NLRP5: variants seen among roughly 807,000 people sequenced by gnomAD.
NLRP5 encodes the protein NACHT, LRR and PYD domains-containing protein 5.
NLRP5 carries 93 observed loss-of-function variants against 113.1 expected under a neutral mutation model. The ratio of observed to expected loss-of-function variants is 0.82; its 90% CI spans 0.70 to 0.98. NLRP5 has a LOEUF of 0.98. NLRP5 is among the 50% of genes least tolerant of loss of function. The pLI, the probability that NLRP5 is intolerant of heterozygous loss-of-function variation, is 0.00. For synonymous variants in NLRP5, 751 were observed against 600.7 expected (o/e 1.25, Z -3.66); for missense variants, 1,808 against 1,514.3 (o/e 1.19, Z -3.22).
intron 6 of NLRP5, among the ~76,000 whole-genome samples, chr19:56,025,174 A>T (rs1568489973): frequency 6.6e-6 from 1 of 152,188 alleles, no homozygotes; most frequent in African/African-American, 2.4e-5. Context: ...TTGTATGATT[A>T]TTTCATTATA....
upstream of NLRP5, among the ~76,000 whole-genome samples, chr19:55,997,404 C>A (rs1423513112): frequency 2.0e-5 from 3 of 152,112 alleles, no homozygotes; most frequent in Admixed American, 2.0e-4. Flanking sequence ...GAGACGTTGG[C>A]CTGTAGTTTT....
At chr19:56,043,965 G>A (rs1983626096) in intron 11 of NLRP5, among the ~76,000 whole-genome samples, 1 of 151,712 alleles carries the variant, frequency 6.6e-6, no homozygotes, top group African/African-American at 2.4e-5. Flanking sequence ...TTCACTTTTG[G>A]GTTCTTGGTC....
chr19:56,030,711 C>CTTTTTTTTTTTTTT (rs1251579019), intron 7 of NLRP5, among the ~76,000 whole-genome samples: 87 of 47,768 alleles, frequency 1.8e-3, no homozygotes, highest in East Asian at 3.4e-3. Context: ...TCGCTTTCTT[C>CTTTTTTTTTTTTTT]TTCTTTTTTT....
chr19:56,048,755 G>A (rs141556574), intron 11 of NLRP5, among the ~76,000 whole-genome samples: 2 of 152,122 alleles, frequency 1.3e-5, no homozygotes, highest in East Asian at 3.9e-4. Context: ...GTATTTGGAT[G>A]TCTAGTTCTC....
Position 56,033,683 on chromosome 19 carries a change from C to G in NLRP5, c.2589C>G (p.His863Gln). The G allele has an allele frequency of 6.2e-7, 1 of 1,613,350 alleles. No homozygotes were observed. Among genetic ancestry groups the G allele is most frequent in the Non-Finnish European group, 8.5e-7 (1 of 1,179,624 alleles). Residue 863 changes from histidine to glutamine, a missense_variant, in exon 9 of 15, where the codon CAC becomes CAG. Coordinates refer to ENST00000390649, the MANE Select transcript of NLRP5 (RefSeq NM_153447.4). ...GGATGGCGTGTGAAGCCTTAAAACA[C>G]CCAAAATGTTTGTTGGAGTCTTTGA...
At chr19:56,017,650 G>T (rs1203993236) in intron 4 of NLRP5, among the ~76,000 whole-genome samples, 1 of 152,150 alleles carries the variant, frequency 6.6e-6, no homozygotes, top group Non-Finnish European at 1.5e-5. Flanking sequence ...ACATAAACTT[G>T]AAGCATGTTT....
At chr19:56,050,365 C>G in intron 11 of NLRP5, 53 bp from the exon 12 acceptor site, 1 of 1,549,798 alleles carries the variant, frequency 6.5e-7, no homozygotes, top group Non-Finnish European at 8.8e-7. Context: ...TCACTTGAGG[C>G]CATGCTGGGG....
At chr19:55,989,929 C>T in the NLRP5 span, among the ~76,000 whole-genome samples, 1 of 152,128 alleles carries the variant, frequency 6.6e-6, no homozygotes, top group Admixed American at 6.6e-5. Context: ...TTTCCTTCAC[C>T]CATCACAAAG....
rs1465659059 is a variant in NLRP5, at chr19:56,032,722, G to A, written c.2388G>A (p.Arg796=). Residue 796 remains arginine, a synonymous_variant, in exon 8 of 15, where the codon CGG becomes CGA. Coordinates refer to ENST00000390649, the MANE Select transcript of NLRP5 (RefSeq NM_153447.4). ...TGGGCAGCAGCATCCTGACAGAGCG[G>A]GCCATGAAGACCCTGTGTGCCAAGC... is the stretch of plus-strand genomic sequence containing the variant. The A allele has an allele frequency of 8.1e-6, 13 of 1,613,136 alleles. No individual in the cohort carries two copies. The highest frequency in any genetic ancestry group is 4.0e-5 in the African/African-American group (3 of 74,888).
intron 13 of NLRP5, 61 bp downstream of exon 13, chr19:56,053,869 G>A (rs568338248): frequency 1.3e-5 from 20 of 1,507,380 alleles, no homozygotes; most frequent in Non-Finnish European, 1.7e-5. Flanking sequence ...ACCCCAGCAT[G>A]AGGTTGCTTG....
At chr19:56,024,405 CATATATGTATATATGTT>C (rs1982740597) in intron 6 of NLRP5, among the ~76,000 whole-genome samples, 1 of 118,644 alleles carries the variant, frequency 8.4e-6, no homozygotes, top group East Asian at 2.2e-4. Flanking sequence ...CATATATGTA[CATATATGTATATATGTT>C]ATATATACAC....
intron 3 of NLRP5, among the ~76,000 whole-genome samples, chr19:56,012,076 T>C (rs1421648919): frequency 1.3e-5 from 2 of 152,186 alleles, no homozygotes; most frequent in African/African-American, 2.4e-5. Context: ...GAATGTATTA[T>C]GATGCTCAAG....
the NLRP5 span, among the ~76,000 whole-genome samples, chr19:55,994,309 T>C: frequency 6.6e-6 from 1 of 152,200 alleles, no homozygotes; most frequent in East Asian, 1.9e-4. Flanking sequence ...TACTTGGAGT[T>C]TTGCTATACA....
At chr19:56,018,775 A>G (rs1213357159) in intron 4 of NLRP5, 2 of 153,988 alleles carry the variant, frequency 1.3e-5, no homozygotes, top group African/African-American at 2.4e-5. Flanking sequence ...CTAAGATCCT[A>G]AGATCCTTAA....
At chr19:56,050,279 A>AC (rs1983881474) in intron 11 of NLRP5, 139 bp from the exon 12 acceptor site, 2 of 727,602 alleles carry the variant, frequency 2.7e-6, no homozygotes, top group South Asian at 2.0e-5. Context: ...GACTCCTCAA[A>AC]AAAAAAAAAG....
In NLRP5 at chr19:56,037,906, G is replaced by A. The variant is rs1983378425; in HGVS notation, c.2616-119G>A. On this transcript the variant is annotated intron_variant, in intron 9 of 14. Coordinates refer to ENST00000390649, the MANE Select transcript of NLRP5 (RefSeq NM_153447.4). ...AGCAACTTCTCAGGCCCGGAGGCAG[G>A]AGCAGACAGAGTTCGAGGACCAGGA... 1.6e-5 allele frequency: 16 copies of A among 983,194 alleles called. No homozygotes were observed. The East Asian group carries it at 3.9e-4, about 24-fold the overall frequency. 60.9% of individuals were successfully genotyped at this position (983,194 alleles called of 1,614,324 possible). A position where few individuals can be genotyped will look rare whatever the true frequency, so the allele number is the denominator to read the frequency against.
intron 9 of NLRP5, 128 bp downstream of exon 9, chr19:56,033,837 G>C: frequency 1.3e-6 from 1 of 746,020 alleles, no homozygotes; most frequent in South Asian, 1.8e-5. Flanking sequence ...TGGTGGTGAC[G>C]ATTGCAGGAG....
intron 3 of NLRP5, among the ~76,000 whole-genome samples, chr19:56,010,799 T>A (rs78527589): frequency 0.038 from 5,252 of 137,992 alleles, 353 homozygotes; most frequent in African/African-American, 0.13. Context: ...GTTTTTTTTT[T>A]ATCAAGCTAT....
chr19:56,010,023 G>A (rs1418937740), intron 3 of NLRP5, among the ~76,000 whole-genome samples: 1 of 152,172 alleles, frequency 6.6e-6, no homozygotes, highest in African/African-American at 2.4e-5. Flanking sequence ...CCAAATGGTG[G>A]CTTAGAGCGT....
Sources: gnomAD v4.1 joint callset for allele counts (sites outside exome capture counted in the v4.1 genomes callset) on GRCh38, gnomAD v4.1.1 for gene constraint, MANE v1.5 for transcripts, NCBI Gene and HGNC (gene_info 2026-07-23, HGNC 2026-07-21) for gene names.